Variants in NAV2 observed in about 807,000 individuals in gnomAD.
The protein encoded by NAV2 is helicase, APC down-regulated 1.
NAV2 carries 54 observed loss-of-function variants against 223.2 expected under a neutral mutation model. That is an observed-to-expected ratio of 0.24 (90% CI 0.19 to 0.30). NAV2 has a LOEUF of 0.30. NAV2 is among the 10% of genes least tolerant of loss of function. The pLI is 1.00. For synonymous variants in NAV2, 1,279 were observed against 1,239.3 expected, an observed-to-expected ratio of 1.03 and a Z score of -0.67; for missense variants, 2,806 against 3,147.5, an observed-to-expected ratio of 0.89 and a Z score of 2.60.
intron 10 of NAV2, among the ~76,000 whole-genome samples, chr11:19,949,567 C>T (rs1399077753): frequency 6.6e-6 from 1 of 152,208 alleles, no homozygotes; most frequent in East Asian, 1.9e-4. Flanking sequence ...CATGGTAGGT[C>T]CTTCTTGCTG....
intron 25 of NAV2, among the ~76,000 whole-genome samples, chr11:20,080,666 TC>T (rs1196903295): frequency 2.0e-5 from 3 of 152,206 alleles, no homozygotes; most frequent in Admixed American, 6.5e-5. Context: ...ACCAACCCTC[TC>T]TTTGAAAACT....
At chr11:20,012,618 T>G (rs2053649041) in intron 11 of NAV2, among the ~76,000 whole-genome samples, 1 of 146,122 alleles carries the variant, frequency 6.8e-6, no homozygotes, top group Non-Finnish European at 1.5e-5. Context: ...GAGGTTGCAG[T>G]GAGCCGAGAT....
intron 1 of NAV2, among the ~76,000 whole-genome samples, chr11:19,767,415 G>A (rs1169810207): frequency 6.6e-6 from 1 of 152,166 alleles, no homozygotes; most frequent in East Asian, 1.9e-4. Context: ...ACCTTTCTGG[G>A]CTTTAGTGTT....
chr11:19,561,467 G>A (rs1189753936), intron 1 of NAV2, among the ~76,000 whole-genome samples: 1 of 152,106 alleles, frequency 6.6e-6, no homozygotes, highest in African/African-American at 2.4e-5. Flanking sequence ...TTATAGCAAA[G>A]GCCACTTGAA....
chr11:20,040,804 G>T (rs1175274898), intron 12 of NAV2, among the ~76,000 whole-genome samples: 1 of 152,228 alleles, frequency 6.6e-6, no homozygotes, highest in Non-Finnish European at 1.5e-5. Context: ...CCATGTGGAT[G>T]TCCTGTTGGC....
chr11:19,682,556 A>T (rs971887206), intron 1 of NAV2, among the ~76,000 whole-genome samples: 13 of 152,230 alleles, frequency 8.5e-5, no homozygotes, highest in Non-Finnish European at 1.2e-4. Flanking sequence ...TGGGTAATTC[A>T]TAAAGAAAAG....
chr11:19,770,550 C>A (rs1209148867), intron 1 of NAV2, among the ~76,000 whole-genome samples: 1 of 152,112 alleles, frequency 6.6e-6, no homozygotes, highest in Admixed American at 6.6e-5. Flanking sequence ...TTGAACAGAG[C>A]AAATAAATTC....
intron 1 of NAV2, among the ~76,000 whole-genome samples, chr11:19,679,593 C>A (rs912171047): frequency 1.3e-5 from 2 of 152,170 alleles, no homozygotes; most frequent in African/African-American, 4.8e-5. Context: ...CTCTACCCCA[C>A]CATCTCTTGA....
At position 19,618,393 on chromosome 11, in the gene NAV2, G is replaced by GATGGATGTATGTATGA. The variant is rs796800924; in HGVS notation, c.76-214088_76-214087insGATGTATGTATGAATG. Among the ~76,000 whole-genome samples, 3 of 19,772 alleles carry GATGGATGTATGTATGA rather than the reference G, an allele frequency of 1.5e-4. 1 individual carries two copies. Among genetic ancestry groups the GATGGATGTATGTATGA allele is most frequent in the African/African-American group, 2.2e-4 (3 of 13,380 alleles). The allele number at this position is 19,772 out of a possible 152,430, so 13.0% of individuals were successfully genotyped here. A position where few individuals can be genotyped will look rare whatever the true frequency, so the allele number is the denominator to read the frequency against. On this transcript the variant is annotated intron_variant, in intron 1 of 37. Coordinates refer to the NAV2 transcript ENST00000360655. ...GGATGGATGGATGGATGGATGGATG[G>GATGGATGTATGTATGA]ATGAATAGATGGATGGATGGATGGA... is the stretch of plus-strand genomic sequence containing the variant.
Position 19,868,912 on chromosome 11 carries a change from T to A in NAV2, c.439-13T>A, listed in dbSNP as rs772737772. 2.5e-6 allele frequency: 4 copies of A among 1,613,184 alleles called. No homozygotes were observed. Among genetic ancestry groups the A allele is most frequent in the Non-Finnish European group, 3.4e-6 (4 of 1,179,544 alleles). ...ACATTTATTAAGTATATATTGTTGT[T>A]TTTCCCTCCTAGATTGAAAACATAG... On this transcript the variant is annotated splice_polypyrimidine_tract_variant and intron_variant, in intron 3 of 37. Transcript: ENST00000349880.
At chr11:19,389,634 G>T (rs1395096391) in intron 1 of NAV2, among the ~76,000 whole-genome samples, 1 of 152,192 alleles carries the variant, frequency 6.6e-6, no homozygotes, top group Non-Finnish European at 1.5e-5. Flanking sequence ...TGCCTCATAA[G>T]GGTTACATGC....
At chr11:19,481,694 A>G (rs1347080069) in intron 1 of NAV2, among the ~76,000 whole-genome samples, 5 of 152,268 alleles carry the variant, frequency 3.3e-5, no homozygotes, top group Non-Finnish European at 5.9e-5. Context: ...GTCTGTATGT[A>G]GAGGCTGCTC....
At chr11:19,372,800 A>G (rs1203631410) in intron 1 of NAV2, among the ~76,000 whole-genome samples, 1 of 152,204 alleles carries the variant, frequency 6.6e-6, no homozygotes, top group Non-Finnish European at 1.5e-5. Flanking sequence ...CATCAGCACT[A>G]CGCTCTAATT....
At chr11:19,972,941 C>A (rs2153431262) in intron 10 of NAV2, among the ~76,000 whole-genome samples, 1 of 152,320 alleles carries the variant, frequency 6.6e-6, no homozygotes, top group South Asian at 2.1e-4. Context: ...TCTATGTGAG[C>A]CCTTCCTGCA....
chr11:19,640,141 G>A (rs921314782), intron 1 of NAV2, among the ~76,000 whole-genome samples: 37 of 152,200 alleles, frequency 2.4e-4, no homozygotes, highest in African/African-American at 7.7e-4. Flanking sequence ...AGTGGGGCTC[G>A]AGGCTTAAGT....
chr11:19,400,832 G>A (rs1212147497), intron 1 of NAV2, among the ~76,000 whole-genome samples: 1 of 152,132 alleles, frequency 6.6e-6, no homozygotes, highest in Non-Finnish European at 1.5e-5. Context: ...ACCTTTTGGT[G>A]GGTTAGTTGG....
Position 19,605,051 on chromosome 11 carries a change from A to T in NAV2, c.76-227433A>T, listed in dbSNP as rs78176554. On this transcript the variant is annotated intron_variant, in intron 1 of 37. Coordinates refer to the NAV2 transcript ENST00000360655. Reference sequence around the variant, plus strand: ...GTCTTTATCAGCAGCATGAAAATGGACTAATACATTGGTTAACTTACCCAA... The same window carrying T: ...GTCTTTATCAGCAGCATGAAAATGGTCTAATACATTGGTTAACTTACCCAA... Among the ~76,000 whole-genome samples, 524 of 152,234 alleles carry T rather than the reference A, an allele frequency of 3.4e-3. 2 individuals are homozygous for T. The highest frequency in any genetic ancestry group is 0.012 in the African/African-American group (504 of 41,516).
At chr11:19,766,206 A>G (rs900071893) in intron 1 of NAV2, among the ~76,000 whole-genome samples, 4 of 152,138 alleles carry the variant, frequency 2.6e-5, no homozygotes. Context: ...CTCATTTGCA[A>G]CAAGGCCCTC....
chr11:19,703,111 T>C (rs975277986), intron 1 of NAV2, among the ~76,000 whole-genome samples: 7 of 150,882 alleles, frequency 4.6e-5, no homozygotes, highest in African/African-American at 7.3e-5. Flanking sequence ...TAGGCTAATA[T>C]ATATAAATAA....
Sources: allele counts gnomAD v4.1 joint callset (sites outside exome capture counted in the v4.1 genomes callset), GRCh38; gene constraint gnomAD v4.1.1; transcripts MANE v1.5; gene names NCBI Gene and HGNC (gene_info 2026-07-23, HGNC 2026-07-21).